The following AKAP19 variants were observed in gnomAD, a reference collection of about 807,000 sequenced individuals.
AKAP19 encodes the protein A-kinase anchoring protein 19.
the AKAP19 span, among the ~76,000 whole-genome samples, chr2:190,105,241 G>A: frequency 6.6e-6 from 1 of 152,118 alleles, no homozygotes; most frequent in Non-Finnish European, 1.5e-5. Flanking sequence ...GGTGCCCATC[G>A]ATGGTAGATT....
the AKAP19 span, among the ~76,000 whole-genome samples, chr2:190,163,311 G>C: frequency 6.6e-6 from 1 of 151,986 alleles, no homozygotes; most frequent in South Asian, 2.1e-4. Flanking sequence ...GCGGGCGCCT[G>C]TAGTCCCAGC....
At chr2:190,115,477 G>C in the AKAP19 span, among the ~76,000 whole-genome samples, 18 of 139,898 alleles carry the variant, frequency 1.3e-4, no homozygotes, top group Admixed American at 2.1e-4. Context: ...CCGCCACTAC[G>C]CCCGGCTAAT....
the AKAP19 span, among the ~76,000 whole-genome samples, chr2:189,987,272 G>A: frequency 9.9e-4 from 150 of 152,222 alleles, no homozygotes; most frequent in Middle Eastern, 3.4e-3. Flanking sequence ...TCTTGCTGCC[G>A]CCATGTAAAG....
At chr2:189,994,834 G>T in the AKAP19 span, among the ~76,000 whole-genome samples, 1 of 152,088 alleles carries the variant, frequency 6.6e-6, no homozygotes, top group Non-Finnish European at 1.5e-5. Context: ...CCTGACATCA[G>T]GTTATCCAAC....
chr2:190,156,244 T>C, the AKAP19 span, among the ~76,000 whole-genome samples: 1 of 152,162 alleles, frequency 6.6e-6, no homozygotes, highest in Admixed American at 6.5e-5. Flanking sequence ...TTTAAAATAG[T>C]GCTGATCCAA....
chr2:190,023,816 TATAC>T, the AKAP19 span, among the ~76,000 whole-genome samples: 568 of 127,620 alleles, frequency 4.5e-3, 2 homozygotes, highest in Non-Finnish European at 7.6e-3. Context: ...TATATATATA[TATAC>T]ATATATATAC....
chr2:190,099,898 G>A, the AKAP19 span, among the ~76,000 whole-genome samples: 1 of 152,170 alleles, frequency 6.6e-6, no homozygotes, highest in Non-Finnish European at 1.5e-5. Context: ...GTATGAAGCT[G>A]AGTTTGAAAT....
At chr2:189,980,701 G>A in the AKAP19 span, among the ~76,000 whole-genome samples, 1 of 152,096 alleles carries the variant, frequency 6.6e-6, no homozygotes, top group Non-Finnish European at 1.5e-5. Flanking sequence ...TTTGTATCCT[G>A]AAACTTTACT....
chr2:190,195,037 A>T, the AKAP19 span, among the ~76,000 whole-genome samples: 1 of 151,708 alleles, frequency 6.6e-6, no homozygotes, highest in Non-Finnish European at 1.5e-5. Flanking sequence ...TTCATATTTA[A>T]TTTTTTTGTA....
the AKAP19 span, among the ~76,000 whole-genome samples, chr2:190,178,853 T>C: frequency 6.6e-6 from 1 of 152,194 alleles, no homozygotes; most frequent in Non-Finnish European, 1.5e-5. The surrounding 1 kb of genome is among the most constrained non-coding windows in gnomAD (Gnocchi z 6.3). Context: ...TCTAAGTGTC[T>C]CCTCTGCCTA....
chr2:189,941,483 G>A, the AKAP19 span, among the ~76,000 whole-genome samples: 49 of 151,756 alleles, frequency 3.2e-4, no homozygotes, highest in African/African-American at 1.2e-3. Context: ...GGAGGGTGGC[G>A]AGAATTTAAA....
At chr2:189,970,991 TTTA>T in the AKAP19 span, among the ~76,000 whole-genome samples, 1 of 152,306 alleles carries the variant, frequency 6.6e-6, no homozygotes, top group South Asian at 2.1e-4. Context: ...ATTCTCTTTT[TTTA>T]TTATTATACT....
chr2:190,124,017 C>T, the AKAP19 span, among the ~76,000 whole-genome samples: 4 of 152,324 alleles, frequency 2.6e-5, no homozygotes, highest in Admixed American at 2.6e-4. Context: ...AGGATTTACA[C>T]CAGCAGCCTC....
chr2:189,990,393 G>T, the AKAP19 span, among the ~76,000 whole-genome samples: 1 of 152,026 alleles, frequency 6.6e-6, no homozygotes, highest in East Asian at 1.9e-4. Flanking sequence ...TGGTTGTGTG[G>T]TTTTTGTCGT....
chr2:189,999,958 T>C, the AKAP19 span, among the ~76,000 whole-genome samples: 1 of 152,366 alleles, frequency 6.6e-6, no homozygotes, highest in Non-Finnish European at 1.5e-5. Context: ...AGTTGCTAAC[T>C]AACGTAGGCA....
At chr2:189,916,406 C>T in the AKAP19 span, among the ~76,000 whole-genome samples, 1 of 151,264 alleles carries the variant, frequency 6.6e-6, no homozygotes, top group Non-Finnish European at 1.5e-5. Context: ...ACTGCAACCT[C>T]CACCTCCCAG....
chr2:190,103,120 G>A, the AKAP19 span, among the ~76,000 whole-genome samples: 581 of 152,120 alleles, frequency 3.8e-3, 3 homozygotes, highest in African/African-American at 0.014. Flanking sequence ...TACAGAAAAA[G>A]CCTTGGATAA....
the AKAP19 span, among the ~76,000 whole-genome samples, chr2:190,046,913 C>T: frequency 6.6e-6 from 1 of 151,982 alleles, no homozygotes; most frequent in African/African-American, 2.4e-5. Flanking sequence ...TGAATTTAAA[C>T]CATTATTCTG....
At chr2:190,063,559 T>A in the AKAP19 span, among the ~76,000 whole-genome samples, 3 of 152,116 alleles carry the variant, frequency 2.0e-5, 1 homozygote, top group East Asian at 5.8e-4. Context: ...ATTATTACAG[T>A]TTGCCTCAGA....
Sources: allele counts gnomAD v4.1 joint callset (sites outside exome capture counted in the v4.1 genomes callset), GRCh38; gene constraint gnomAD v4.1.1; non-coding constraint Gnocchi (gnomAD v3.1); transcripts MANE v1.5; gene names NCBI Gene and HGNC (gene_info 2026-07-23, HGNC 2026-07-21).